Variants in USH1C observed in about 807,000 individuals in gnomAD.
USH1C encodes harmonin.
USH1C carries 90 observed loss-of-function variants against 119.3 expected under a neutral mutation model. The observed-to-expected ratio is 0.75, with a 90% CI of 0.64 to 0.90. The LOEUF (loss-of-function observed/expected upper bound fraction) is 0.90. USH1C is among the 40% of genes least tolerant of loss of function. The pLI, the probability that USH1C is intolerant of heterozygous loss-of-function variation, is 0.00. For missense variants in USH1C, 1,165 were observed against 1,167.7 expected (o/e 1.00, Z 0.03); for synonymous variants, 465 against 443.3 (o/e 1.05, Z -0.62).
intron 26 of USH1C, 135 bp from the exon 27 acceptor site, chr11:17,494,511 T>A (rs529283621): frequency 8.6e-5 from 85 of 990,732 alleles, no homozygotes; most frequent in Non-Finnish European, 6.2e-5. Context: ...GAGACCCCTC[T>A]GGGTGCAGGC....
At chr11:17,495,544 C>T in intron 26 of USH1C, 25 bp downstream of exon 26, 1 of 1,610,068 alleles carries the variant, frequency 6.2e-7, no homozygotes, top group African/African-American at 1.3e-5. Context: ...ACACACAGGG[C>T]CCTGTGGCCC....
chr11:17,507,061 G>A (rs1184167375), intron 18 of USH1C, among the ~76,000 whole-genome samples: 1 of 152,256 alleles, frequency 6.6e-6, no homozygotes, highest in African/African-American at 2.4e-5. Context: ...TGGTGTGGCA[G>A]GCACAAGTGT....
intron 21 of USH1C, 123 bp from the exon 22 acceptor site, chr11:17,501,658 G>C: frequency 6.7e-6 from 8 of 1,190,154 alleles, no homozygotes; most frequent in Non-Finnish European, 8.5e-6. Flanking sequence ...TGGGCAAGGG[G>C]ACCGTGCCCA....
At chr11:17,532,533 C>A (rs1226523791) in intron 2 of USH1C, among the ~76,000 whole-genome samples, 5 of 152,156 alleles carry the variant, frequency 3.3e-5, no homozygotes, top group African/African-American at 1.2e-4. Context: ...CTCTTAGGCT[C>A]AAGCAATCCT....
chr11:17,533,462 A>C, intron 1 of USH1C, 140 bp from the exon 2 acceptor site: 1 of 716,362 alleles, frequency 1.4e-6, no homozygotes, highest in Non-Finnish European at 2.5e-6. Context: ...GAGGAGCCAC[A>C]GGCCAGGCTG....
intron 26 of USH1C, chr11:17,495,112 C>T: frequency 4.0e-6 from 1 of 250,702 alleles, no homozygotes; most frequent in Non-Finnish European, 7.9e-6. Context: ...GCAAGAGCTC[C>T]CAGGAGGTTG....
chr11:17,535,434 C>A (rs954277970), intron 1 of USH1C, among the ~76,000 whole-genome samples: 3 of 152,072 alleles, frequency 2.0e-5, no homozygotes, highest in Non-Finnish European at 4.4e-5. Flanking sequence ...ACTCCTGCAC[C>A]CCGGAGATGT....
At position 17,516,305 on chromosome 11, in the gene USH1C, T is replaced by G. The variant is rs759671024; in HGVS notation, c.1211-15A>C. ...CCATCCAAAAGCTATAAGACACAGA[T>G]AACAAAATGATGAGACACAGTTCAG... On this transcript the variant is annotated splice_polypyrimidine_tract_variant and intron_variant, in intron 14 of 26. Transcript: ENST00000005226. The G allele has an allele frequency of 1.9e-6, 3 of 1,611,428 alleles. No homozygotes were observed. The highest frequency in any genetic ancestry group is 3.4e-5 in the Admixed American group (2 of 59,686).
intron 4 of USH1C, among the ~76,000 whole-genome samples, chr11:17,528,357 G>T (rs1316828002): frequency 6.6e-6 from 1 of 152,220 alleles, no homozygotes; most frequent in Admixed American, 6.5e-5. Flanking sequence ...CGGCCCTGGG[G>T]ATCAATTCTG....
At chr11:17,506,398 C>T (rs1346181351) in intron 18 of USH1C, among the ~76,000 whole-genome samples, 1 of 152,182 alleles carries the variant, frequency 6.6e-6, no homozygotes, top group Non-Finnish European at 1.5e-5. Flanking sequence ...GGGGTGAAGA[C>T]CAGTAAGAGA....
chr11:17,532,473 A>AT (rs936781484), intron 2 of USH1C, among the ~76,000 whole-genome samples: 3 of 151,682 alleles, frequency 2.0e-5, no homozygotes, highest in Non-Finnish European at 2.9e-5. Context: ...AATTTTTTGT[A>AT]TTTTTTTGTA....
At chr11:17,499,098 C>T in intron 23 of USH1C, among the ~76,000 whole-genome samples, 1 of 152,232 alleles carries the variant, frequency 6.6e-6, no homozygotes, top group East Asian at 1.9e-4. Context: ...AATGTGCTAA[C>T]ATGCACTGCA....
At chr11:17,530,942 G>C (rs536344708) in intron 4 of USH1C, among the ~76,000 whole-genome samples, 239 of 152,338 alleles carry the variant, frequency 1.6e-3, no homozygotes, top group African/African-American at 5.2e-3. Flanking sequence ...GCAGCAGCCA[G>C]GTTACCAGCT....
intron 18 of USH1C, among the ~76,000 whole-genome samples, chr11:17,507,137 C>T (rs1050885412): frequency 2.6e-5 from 4 of 152,102 alleles, no homozygotes; most frequent in Non-Finnish European, 5.9e-5. Flanking sequence ...ACTGTGTGGG[C>T]GTGTGGTCAC....
chr11:17,500,480 G>A (rs1849393218), intron 23 of USH1C, among the ~76,000 whole-genome samples: 1 of 152,218 alleles, frequency 6.6e-6, no homozygotes, highest in South Asian at 2.1e-4. Flanking sequence ...CAGACACAGG[G>A]CTGCAAACCA....
At chr11:17,517,379 G>A (rs751128157) in intron 14 of USH1C, 3 of 1,566,046 alleles carry the variant, frequency 1.9e-6, no homozygotes, top group Admixed American at 1.9e-5. Flanking sequence ...GCCAGGCCAG[G>A]GAGCAAAGCG....
chr11:17,537,026 C>T (rs1316568382), intron 1 of USH1C, among the ~76,000 whole-genome samples: 3 of 152,268 alleles, frequency 2.0e-5, no homozygotes, highest in East Asian at 1.9e-4. Context: ...TCTGACCACA[C>T]CTGAGTGAAA....
In USH1C at chr11:17,523,448, C is replaced by T. The variant is rs79875849; in HGVS notation, c.790G>A (p.Val264Ile). 277 of 1,614,190 alleles carry T rather than the reference C, an allele frequency of 1.7e-4. No individual in the cohort carries two copies. Among genetic ancestry groups the T allele is most frequent in the Non-Finnish European group, 2.1e-4 (249 of 1,180,034 alleles). Residue 264 changes from valine (V) to isoleucine (I), a missense_variant, in exon 10 of 27, where the codon GTC becomes ATC. Transcript: ENST00000005226. ...IGDQIVEVNGVDFSNLDHKEA... is the reference protein window; with the variant it reads ...IGDQIVEVNGIDFSNLDHKEA... ...TTGTGATCCAGGTTAGAGAAGTCGACGCCATTGACTTCGACAATCTGGTCC... is the reference window on the plus strand; with the variant it reads ...TTGTGATCCAGGTTAGAGAAGTCGATGCCATTGACTTCGACAATCTGGTCC...
chr11:17,506,684 C>T lies in USH1C; in HGVS notation c.2014-735G>A, dbSNP rs79435037. Among the ~76,000 whole-genome samples the T allele has an allele frequency of 9.0e-3, 1,370 of 152,326 alleles. 20 individuals carry two copies. The highest frequency in any genetic ancestry group is 0.032 in the African/African-American group (1,331 of 41,574). On this transcript the variant is annotated intron_variant, in intron 18 of 26. Transcript: ENST00000005226. ...TCTTGCCTTGAGGCCTTTGCACGTG[C>T]TCTTCCTTCTTCCGCTTTGCCTCCT...
Sources: gnomAD v4.1 joint callset for allele counts (sites outside exome capture counted in the v4.1 genomes callset) on GRCh38, gnomAD v4.1.1 for gene constraint, MANE v1.5 for transcripts, NCBI Gene and HGNC (gene_info 2026-07-23, HGNC 2026-07-21) for gene names.